EFCAB13: variants seen among roughly 807,000 people sequenced by gnomAD.
EFCAB13 encodes the protein EF-hand calcium binding domain 13.
In EFCAB13, 91 loss-of-function variants were observed where a neutral mutation model predicts 110.2. The observed-to-expected ratio is 0.83, with a 90% CI of 0.70 to 0.98. The LOEUF is 0.98. Among genes scored for constraint, EFCAB13 ranks in the 50% least tolerant of loss-of-function variants. EFCAB13 has a pLI of 0.00. For missense variants in EFCAB13, 968 were observed against 1,119.4 expected (o/e 0.86, Z 1.93); for synonymous variants, 323 against 369.9 (o/e 0.87, Z 1.45).
intron 10 of EFCAB13, among the ~76,000 whole-genome samples, chr17:47,366,724 G>T (rs181309325): frequency 5.7e-4 from 87 of 152,276 alleles, no homozygotes; most frequent in African/African-American, 2.0e-3. Context: ...ATTCTCGAAC[G>T]CGTCTTTGGC....
chr17:47,394,759 T>G (rs2065727895), intron 16 of EFCAB13, among the ~76,000 whole-genome samples: 1 of 152,204 alleles, frequency 6.6e-6, no homozygotes, highest in African/African-American at 2.4e-5. Flanking sequence ...TAAGATTTAA[T>G]TTGTCTCCTA....
chr17:47,353,937 T>C (rs917900785), intron 9 of EFCAB13, among the ~76,000 whole-genome samples: 3 of 152,178 alleles, frequency 2.0e-5, no homozygotes, highest in Non-Finnish European at 4.4e-5. Context: ...TGGTTTGTTC[T>C]TGTTTCTCTA....
At chr17:47,422,667 C>T (rs1269416582) in intron 23 of EFCAB13, among the ~76,000 whole-genome samples, 2 of 151,990 alleles carry the variant, frequency 1.3e-5, no homozygotes, top group Non-Finnish European at 2.9e-5. Context: ...AAAAAGTAAA[C>T]ATTTAGGAGT....
chr17:47,412,753 G>C lies in EFCAB13; in HGVS notation c.2279-20G>C, dbSNP rs1488691232. 2.5e-6 allele frequency: 4 copies of C among 1,604,556 alleles called. No homozygotes were observed. Among genetic ancestry groups the C allele is most frequent in the Admixed American group, 1.7e-5 (1 of 58,872 alleles). The stretch of plus-strand genomic sequence containing the variant: ...AATGTTTTTTACACCATAATAGCTT[G>C]TGTACATTTATCTTTGTAGAGATTA... On this transcript the variant is annotated intron_variant, in intron 21 of 24. Coordinates refer to ENST00000331493, the MANE Select transcript of EFCAB13 (RefSeq NM_152347.5).
At chr17:47,394,728 A>G (rs1178647049) in intron 16 of EFCAB13, among the ~76,000 whole-genome samples, 2 of 152,312 alleles carry the variant, frequency 1.3e-5, no homozygotes, top group East Asian at 3.9e-4. Flanking sequence ...TTTAAGTAGC[A>G]GCTCTTTTTA....
At chr17:47,374,234 T>G (rs1402101507) in intron 11 of EFCAB13, among the ~76,000 whole-genome samples, 1 of 152,312 alleles carries the variant, frequency 6.6e-6, no homozygotes, top group South Asian at 2.1e-4. Flanking sequence ...TTAGTTTTAC[T>G]GTAACTTTAA....
intron 23 of EFCAB13, among the ~76,000 whole-genome samples, chr17:47,420,882 C>T (rs1464747713): frequency 8.5e-5 from 10 of 118,218 alleles, no homozygotes; most frequent in Non-Finnish European, 1.6e-4. Flanking sequence ...GCCCCCCGCC[C>T]GGCCAGCCGC....
At chr17:47,331,783 G>C (rs1272189921) in intron 4 of EFCAB13, among the ~76,000 whole-genome samples, 1 of 152,006 alleles carries the variant, frequency 6.6e-6, no homozygotes, top group Admixed American at 6.6e-5. Context: ...TGTCTCCATA[G>C]TTTTGCCTTT....
At chr17:47,327,408 C>T (rs2065292648) in intron 3 of EFCAB13, among the ~76,000 whole-genome samples, 1 of 152,072 alleles carries the variant, frequency 6.6e-6, no homozygotes, top group South Asian at 2.1e-4. Context: ...CGTGATCCAC[C>T]TGCCTTGGCC....
intron 4 of EFCAB13, among the ~76,000 whole-genome samples, chr17:47,332,814 G>A (rs539475381): frequency 6.6e-6 from 1 of 152,256 alleles, no homozygotes; most frequent in African/African-American, 2.4e-5. Flanking sequence ...GTATTCATCT[G>A]TTGATGGACA....
chr17:47,395,922 T>C lies in EFCAB13; in HGVS notation c.1890T>C (p.Asn630=). ...TGTGGAATACTCTGTCTAGTTTGAATAGTAATTTAAAAAAGGATGAATTTC... is the reference window on the plus strand; with the variant it reads ...TGTGGAATACTCTGTCTAGTTTGAACAGTAATTTAAAAAAGGATGAATTTC... The part of the protein sequence containing the change: ...SDLWNTLSSL[N]SNLKKDEFLA... The change falls in exon 17 of 25, where the codon AAT becomes AAC. Residue 630 remains asparagine, a synonymous_variant. Transcript: ENST00000331493. 1 of 1,609,706 alleles carries C rather than the reference T, an allele frequency of 6.2e-7. No individual in the cohort carries two copies. The highest frequency in any genetic ancestry group is 8.5e-7 in the Non-Finnish European group (1 of 1,177,040).
At position 47,404,616 on chromosome 17, in the gene EFCAB13, A is replaced by G. The variant is rs767656573; in HGVS notation, c.2216A>G (p.Lys739Arg). The change falls in exon 20 of 25, where the codon AAA (lysine) becomes AGA (arginine). Residue 739 changes from lysine (K) to arginine (R), a missense_variant. Transcript: ENST00000331493. ...ATGAGGGCTTTGAGGGACACCCAGA[A>G]ATTTTCCAATTATATTGGTAAGAGC... ...DCMRALRDTQ[K>R]FSNYIDFRKE... 1.9e-6 allele frequency: 3 copies of G among 1,612,074 alleles called. No individual in the cohort carries two copies. In the African/African-American group the frequency reaches 4.0e-5, roughly 22 times the overall value.
rs1227380194 is a variant in EFCAB13, at chr17:47,441,001, C to T, written c.*287C>T. 4.8e-6 allele frequency: 1 copy of T among 210,034 alleles called. No individual in the cohort carries two copies. Among genetic ancestry groups the T allele is most frequent in the African/African-American group, 2.3e-5 (1 of 43,114 alleles). 13.0% of individuals were successfully genotyped at this position (210,034 alleles called of 1,614,324 possible). A position where few individuals can be genotyped will look rare whatever the true frequency, so the allele number is the denominator to read the frequency against. On this transcript the variant is annotated 3_prime_UTR_variant, in exon 25 of 25. Transcript: ENST00000331493. ...AATGTAATGTAACCCTTACTATACA[C>T]AACATATAGACTATATTATCCCCCA...
chr17:47,397,809 G>A (rs1209203847), intron 17 of EFCAB13, among the ~76,000 whole-genome samples: 2 of 151,282 alleles, frequency 1.3e-5, no homozygotes, highest in Admixed American at 6.6e-5. Flanking sequence ...GAGCCCCTCC[G>A]CCCGGCAGCT....
At chr17:47,380,708 C>T (rs539450670) in intron 14 of EFCAB13, among the ~76,000 whole-genome samples, 7 of 152,188 alleles carry the variant, frequency 4.6e-5, no homozygotes, top group African/African-American at 1.4e-4. Context: ...AGTGTAAAAG[C>T]GTTCCTATTT....
At chr17:47,432,493 G>A (rs2143522228) in intron 24 of EFCAB13, among the ~76,000 whole-genome samples, 1 of 152,228 alleles carries the variant, frequency 6.6e-6, no homozygotes, top group Non-Finnish European at 1.5e-5. Flanking sequence ...TTGGGGGGTT[G>A]AGGCAAGAAT....
At chr17:47,408,020 T>C (rs1273314723) in intron 20 of EFCAB13, among the ~76,000 whole-genome samples, 1 of 152,184 alleles carries the variant, frequency 6.6e-6, no homozygotes, top group East Asian at 1.9e-4. Context: ...ATGACCTGGA[T>C]TGTAAAATTG....
At chr17:47,384,914 C>T (rs964649047) in intron 14 of EFCAB13, among the ~76,000 whole-genome samples, 9 of 152,102 alleles carry the variant, frequency 5.9e-5, no homozygotes, top group African/African-American at 1.4e-4. Context: ...GGACTACAGG[C>T]GCCCACCACC....
intron 21 of EFCAB13, 95 bp downstream of exon 21, chr17:47,409,786 C>T: frequency 1.0e-6 from 1 of 957,594 alleles, no homozygotes. Context: ...ATTTTTCCTG[C>T]TGACTTCAGC....
Sources: allele counts gnomAD v4.1 joint callset (sites outside exome capture counted in the v4.1 genomes callset), GRCh38; gene constraint gnomAD v4.1.1; transcripts MANE v1.5; gene names NCBI Gene and HGNC (gene_info 2026-07-23, HGNC 2026-07-21).